SLC24A2: variants seen among roughly 807,000 people sequenced by gnomAD.
SLC24A2 encodes solute carrier family 24 member 2.
SLC24A2 carries 36 observed loss-of-function variants against 62.0 expected under a neutral mutation model. The observed-to-expected ratio is 0.58, with a 90% CI of 0.44 to 0.77. The LOEUF (loss-of-function observed/expected upper bound fraction) is 0.77. Ranked by LOEUF, SLC24A2 falls within the 30% of genes least tolerant of loss-of-function variation. The pLI is 0.00. For synonymous variants in SLC24A2, 358 were observed against 294.0 expected (o/e 1.22, Z -2.23); for missense variants, 846 against 817.9 (o/e 1.03, Z -0.42).
At chr9:19,742,995 G>A (rs906530008) in intron 2 of SLC24A2, among the ~76,000 whole-genome samples, 7 of 152,042 alleles carry the variant, frequency 4.6e-5, no homozygotes, top group Admixed American at 1.3e-4. Context: ...CCAATTAAAA[G>A]TAGAGGATCC....
At chr9:19,905,704 C>T in the SLC24A2 span, among the ~76,000 whole-genome samples, 1 of 152,148 alleles carries the variant, frequency 6.6e-6, no homozygotes. Context: ...CCCCTTCCCA[C>T]CTCTTTAGGG....
At chr9:19,721,281 C>A (rs1383806983) in intron 2 of SLC24A2, among the ~76,000 whole-genome samples, 3 of 152,088 alleles carry the variant, frequency 2.0e-5, no homozygotes, top group East Asian at 1.9e-4. Context: ...CATAGAGACC[C>A]AGAGCAAAAT....
the SLC24A2 span, among the ~76,000 whole-genome samples, chr9:20,287,187 A>G: frequency 6.6e-6 from 1 of 152,238 alleles, no homozygotes; most frequent in Admixed American, 6.5e-5. Context: ...GAGAAAAATG[A>G]CATTTATTCA....
the SLC24A2 span, among the ~76,000 whole-genome samples, chr9:20,099,344 G>C: frequency 3.3e-5 from 5 of 152,140 alleles, no homozygotes; most frequent in African/African-American, 1.2e-4. Flanking sequence ...ATCTGGAAAA[G>C]GGCACTTACC....
chr9:19,879,691 T>C, the SLC24A2 span, among the ~76,000 whole-genome samples: 1 of 152,186 alleles, frequency 6.6e-6, no homozygotes, highest in Admixed American at 6.5e-5. Context: ...TAAATGCTCT[T>C]GAGTCAACTC....
At chr9:19,788,821 G>A (rs1564102937) in intron 1 of SLC24A2, 64 bp downstream of exon 1, 1 of 985,456 alleles carries the variant, frequency 1.0e-6, no homozygotes, top group Non-Finnish European at 1.2e-6. Context: ...GCGCGCAACC[G>A]GGATGCGGGG....
At chr9:20,249,324 T>C in the SLC24A2 span, among the ~76,000 whole-genome samples, 2 of 152,136 alleles carry the variant, frequency 1.3e-5, no homozygotes, top group Non-Finnish European at 2.9e-5. Context: ...CATGGACAGT[T>C]TACTTAATTT....
chr9:19,896,108 C>T, the SLC24A2 span: 10 of 592,138 alleles, frequency 1.7e-5, no homozygotes, highest in Non-Finnish European at 3.0e-5. Context: ...TCTACTTCCG[C>T]CCTCCTGGAC....
chr9:20,165,350 G>C, the SLC24A2 span, among the ~76,000 whole-genome samples: 1 of 151,748 alleles, frequency 6.6e-6, no homozygotes, highest in East Asian at 1.9e-4. Flanking sequence ...AAAATAGCTA[G>C]GAAAATAACT....
At chr9:19,547,508 G>A (rs1012794815) in intron 8 of SLC24A2, among the ~76,000 whole-genome samples, 4 of 152,072 alleles carry the variant, frequency 2.6e-5, no homozygotes, top group African/African-American at 9.7e-5. Context: ...GGGAGCTTTT[G>A]ATCTTCCCTA....
At chr9:19,897,261 C>A in the SLC24A2 span, among the ~76,000 whole-genome samples, 1 of 152,080 alleles carries the variant, frequency 6.6e-6, no homozygotes, top group African/African-American at 2.4e-5. Flanking sequence ...TAAACAGTGA[C>A]CCCATATTGT....
the SLC24A2 span, among the ~76,000 whole-genome samples, chr9:20,215,880 G>A: frequency 6.6e-6 from 1 of 152,178 alleles, no homozygotes; most frequent in Admixed American, 6.5e-5. Flanking sequence ...ACCACCCAGA[G>A]AGAAAGCATG....
At chr9:19,991,943 G>A in the SLC24A2 span, among the ~76,000 whole-genome samples, 1 of 152,118 alleles carries the variant, frequency 6.6e-6, no homozygotes, top group Non-Finnish European at 1.5e-5. Flanking sequence ...CAGGACTTGG[G>A]GACTGGATGG....
chr9:20,181,030 A>G, the SLC24A2 span, among the ~76,000 whole-genome samples: 2 of 152,064 alleles, frequency 1.3e-5, no homozygotes, highest in Admixed American at 1.3e-4. Flanking sequence ...GCACATGTTC[A>G]TGTCAAAAAG....
chr9:19,826,300 A>G, the SLC24A2 span, among the ~76,000 whole-genome samples: 1 of 152,074 alleles, frequency 6.6e-6, no homozygotes, highest in Non-Finnish European at 1.5e-5. Context: ...TGGTATTAGC[A>G]TAGGTTAAGA....
the SLC24A2 span, among the ~76,000 whole-genome samples, chr9:20,208,309 G>C: frequency 1.3e-5 from 2 of 152,184 alleles, no homozygotes; most frequent in South Asian, 2.1e-4. Context: ...AAACTGGAGA[G>C]AGCAAGGGCT....
the SLC24A2 span, among the ~76,000 whole-genome samples, chr9:19,968,750 T>C: frequency 4.6e-5 from 7 of 152,162 alleles, no homozygotes; most frequent in Admixed American, 2.6e-4. Flanking sequence ...GCTTTTTCTC[T>C]ATATATTATT....
upstream of SLC24A2, among the ~76,000 whole-genome samples, chr9:19,792,813 C>T (rs902408978): frequency 6.6e-6 from 1 of 152,240 alleles, no homozygotes; most frequent in Non-Finnish European, 1.5e-5. Flanking sequence ...TTTCTTCATT[C>T]TCTCCACATA....
chr9:19,857,164 A>C, the SLC24A2 span, among the ~76,000 whole-genome samples: 1,069 of 152,336 alleles, frequency 7.0e-3, 35 homozygotes, highest in Admixed American at 0.061. Flanking sequence ...CGCCTAGAAG[A>C]TGAAGCTGAA....
Sources: allele counts gnomAD v4.1 joint callset (sites outside exome capture counted in the v4.1 genomes callset), GRCh38; gene constraint gnomAD v4.1.1; transcripts MANE v1.5; gene names NCBI Gene and HGNC (gene_info 2026-07-23, HGNC 2026-07-21).